The following TNFSF4 variants were observed in gnomAD, a reference collection of about 807,000 sequenced individuals.
The protein encoded by TNFSF4 is tumor necrosis factor ligand superfamily member 4.
A neutral mutation model predicts 7.3 loss-of-function variants in TNFSF4; 4 were observed. The observed-to-expected ratio is 0.55, with a 90% CI of 0.27 to 1.25. The LOEUF is 1.25. Ranked by LOEUF, TNFSF4 falls within the 50% of genes most tolerant of loss-of-function variation. TNFSF4 has a pLI of 0.12. For synonymous variants in TNFSF4, 76 were observed against 83.7 expected, an observed-to-expected ratio of 0.91 and a Z score of 0.50; for missense variants, 181 against 208.8, an observed-to-expected ratio of 0.87 and a Z score of 0.82.
At chr1:173,321,115 T>G in the TNFSF4 span, among the ~76,000 whole-genome samples, 2 of 152,214 alleles carry the variant, frequency 1.3e-5, no homozygotes, top group Non-Finnish European at 2.9e-5. Flanking sequence ...AGCATGGTAC[T>G]GGTACCAAAA....
At chr1:173,245,811 A>G in the TNFSF4 span, among the ~76,000 whole-genome samples, 1 of 152,092 alleles carries the variant, frequency 6.6e-6, no homozygotes, top group East Asian at 1.9e-4. Flanking sequence ...CTACTTTTTT[A>G]GATTCCGCAT....
chr1:173,268,144 A>T, the TNFSF4 span, among the ~76,000 whole-genome samples: 5 of 152,268 alleles, frequency 3.3e-5, no homozygotes, highest in East Asian at 9.7e-4. Flanking sequence ...GTAGACCTAC[A>T]CTTAAAGAGC....
chr1:173,217,090 G>A, the TNFSF4 span, among the ~76,000 whole-genome samples: 17 of 152,040 alleles, frequency 1.1e-4, no homozygotes, highest in Admixed American at 9.8e-4. Context: ...ACTCAGTTTG[G>A]GGAAGAATAA....
chr1:173,277,856 T>C, the TNFSF4 span, among the ~76,000 whole-genome samples: 19 of 152,262 alleles, frequency 1.2e-4, no homozygotes, highest in South Asian at 3.9e-3. Context: ...AAAACTCATG[T>C]TTTTAACCAT....
At chr1:173,303,221 G>A in the TNFSF4 span, among the ~76,000 whole-genome samples, 3 of 151,818 alleles carry the variant, frequency 2.0e-5, no homozygotes, top group African/African-American at 7.3e-5. Flanking sequence ...GGAGAGTTGT[G>A]TGTCTGTTCC....
chr1:173,315,630 C>T, the TNFSF4 span, among the ~76,000 whole-genome samples: 216 of 152,176 alleles, frequency 1.4e-3, no homozygotes, highest in African/African-American at 4.9e-3. Context: ...GGTGAGAAAA[C>T]GGAATCTTTG....
At chr1:173,244,173 C>T in the TNFSF4 span, among the ~76,000 whole-genome samples, 1,103 of 152,230 alleles carry the variant, frequency 7.2e-3, 16 homozygotes, top group African/African-American at 0.025. Context: ...AGTTACAAGA[C>T]TAGAATCAAA....
the TNFSF4 span, among the ~76,000 whole-genome samples, chr1:173,239,826 T>C: frequency 6.6e-6 from 1 of 151,828 alleles, no homozygotes; most frequent in Non-Finnish European, 1.5e-5. Flanking sequence ...AGTCCAGGAG[T>C]TCGAGACTAG....
chr1:173,205,262 T>A, intron 1 of TNFSF4: 1 of 1,605,144 alleles, frequency 6.2e-7, no homozygotes, highest in Non-Finnish European at 8.5e-7. Context: ...CTTGCTTCCA[T>A]CTCTGTGCCA....
the TNFSF4 span, among the ~76,000 whole-genome samples, chr1:173,307,734 G>A: frequency 6.6e-6 from 1 of 151,698 alleles, no homozygotes; most frequent in Non-Finnish European, 1.5e-5. Flanking sequence ...GAAAATAATA[G>A]GTACATACAC....
chr1:173,282,136 G>A, the TNFSF4 span, among the ~76,000 whole-genome samples: 11 of 152,252 alleles, frequency 7.2e-5, no homozygotes, highest in African/African-American at 2.6e-4. Flanking sequence ...TTGCACAGTA[G>A]GGTGACAATA....
At chr1:173,405,280 G>T in the TNFSF4 span, among the ~76,000 whole-genome samples, 6 of 152,216 alleles carry the variant, frequency 3.9e-5, no homozygotes, top group African/African-American at 1.4e-4. Flanking sequence ...CACACAAAAT[G>T]GGTGTAGCTG....
the TNFSF4 span, among the ~76,000 whole-genome samples, chr1:173,387,115 T>C: frequency 4.6e-5 from 7 of 152,204 alleles, no homozygotes; most frequent in African/African-American, 1.7e-4. Context: ...TGAGTTAAGA[T>C]GTGTGGGCTA....
At chr1:173,375,672 TA>T in the TNFSF4 span, among the ~76,000 whole-genome samples, 2 of 151,832 alleles carry the variant, frequency 1.3e-5, no homozygotes, top group African/African-American at 2.4e-5. Flanking sequence ...AGCCGGATCC[TA>T]AAAGTAGCCA....
At chr1:173,233,198 C>T in the TNFSF4 span, among the ~76,000 whole-genome samples, 2 of 152,240 alleles carry the variant, frequency 1.3e-5, no homozygotes, top group African/African-American at 4.8e-5. Context: ...GCTTCAGTAG[C>T]TGATTCGATC....
chr1:173,194,935 A>C (rs1649637435), intron 1 of TNFSF4, among the ~76,000 whole-genome samples: 1 of 151,922 alleles, frequency 6.6e-6, no homozygotes, highest in Admixed American at 6.6e-5. Context: ...GAGTACTTAC[A>C]ATATGCTATG....
the TNFSF4 span, among the ~76,000 whole-genome samples, chr1:173,315,783 A>G: frequency 2.0e-5 from 3 of 152,114 alleles, no homozygotes; most frequent in Non-Finnish European, 2.9e-5. Flanking sequence ...TTCCTTAAAT[A>G]TTTTGGATAT....
the TNFSF4 span, among the ~76,000 whole-genome samples, chr1:173,414,080 G>A: frequency 6.6e-6 from 1 of 152,118 alleles, no homozygotes; most frequent in Non-Finnish European, 1.5e-5. Context: ...AGTTCTCATC[G>A]TAAACCCACA....
the TNFSF4 span, among the ~76,000 whole-genome samples, chr1:173,335,085 C>A: frequency 6.6e-6 from 1 of 152,048 alleles, no homozygotes; most frequent in Non-Finnish European, 1.5e-5. Context: ...AGCAGAGATT[C>A]TTCATTTAAT....
Sources: allele counts gnomAD v4.1 joint callset (sites outside exome capture counted in the v4.1 genomes callset), GRCh38; gene constraint gnomAD v4.1.1; transcripts MANE v1.5; gene names NCBI Gene and HGNC (gene_info 2026-07-23, HGNC 2026-07-21).